The following PDLIM1 variants were observed in gnomAD, a reference collection of about 807,000 sequenced individuals.
The protein encoded by PDLIM1 is PDZ and LIM domain protein 1.
A neutral mutation model predicts 35.2 loss-of-function variants in PDLIM1; 25 were observed. The observed-to-expected ratio is 0.71, with a 90% CI of 0.52 to 0.99. The LOEUF is 0.99. Among genes scored for constraint, PDLIM1 ranks in the 50% least tolerant of loss-of-function variants. PDLIM1 has a pLI of 0.00. For missense variants in PDLIM1, 363 were observed against 415.3 expected, an observed-to-expected ratio of 0.87 and a Z score of 1.09; for synonymous variants, 152 against 154.0, an observed-to-expected ratio of 0.99 and a Z score of 0.10.
intron 4 of PDLIM1, among the ~76,000 whole-genome samples, chr10:95,258,103 T>C (rs1349486055): frequency 2.0e-5 from 3 of 152,128 alleles, no homozygotes; most frequent in Non-Finnish European, 4.4e-5. Flanking sequence ...AGGGAGCTCC[T>C]CTTTTTAAAA....
chr10:95,276,386 G>A (rs915874074), intron 1 of PDLIM1, among the ~76,000 whole-genome samples: 1 of 151,940 alleles, frequency 6.6e-6, no homozygotes, highest in Non-Finnish European at 1.5e-5. Context: ...CTGGCTGAGT[G>A]CCTCCCTACC....
At chr10:95,281,783 C>T (rs759041873) in intron 1 of PDLIM1, among the ~76,000 whole-genome samples, 27 of 152,306 alleles carry the variant, frequency 1.8e-4, no homozygotes, top group Admixed American at 3.3e-4. Flanking sequence ...TGAGCCACTG[C>T]GTCCAACCAG....
rs2035438073 is a variant in PDLIM1, at chr10:95,268,866, C to T, written c.249-4G>A. 6.3e-7 allele frequency: 1 copy of T among 1,589,484 alleles called. No individual in the cohort carries two copies. The highest frequency in any genetic ancestry group is 8.6e-7 in the Non-Finnish European group (1 of 1,157,604). On this transcript the variant is annotated splice_polypyrimidine_tract_variant and splice_region_variant and intron_variant, in intron 2 of 6. Transcript: ENST00000329399. ...AGACCAGACTTTATGTTCAGATCTG[C>T]AACAGATTAACAAAGCTGCTGTTTC...
intron 1 of PDLIM1, among the ~76,000 whole-genome samples, chr10:95,274,052 G>A (rs932510078): frequency 2.6e-5 from 4 of 152,178 alleles, no homozygotes; most frequent in African/African-American, 9.6e-5. Context: ...CAGTTTCAAA[G>A]AGCAGTCCCC....
intron 4 of PDLIM1, among the ~76,000 whole-genome samples, chr10:95,257,549 A>T (rs2035327772): frequency 6.6e-6 from 1 of 152,240 alleles, no homozygotes; most frequent in African/African-American, 2.4e-5. Flanking sequence ...GCATATGAAA[A>T]GATACTCAAC....
chr10:95,275,292 C>T (rs1171536128), intron 1 of PDLIM1, among the ~76,000 whole-genome samples: 1 of 152,210 alleles, frequency 6.6e-6, no homozygotes, highest in Non-Finnish European at 1.5e-5. Context: ...TTCATGGAGG[C>T]TGATTTGAGT....
intron 4 of PDLIM1, among the ~76,000 whole-genome samples, chr10:95,257,271 G>C (rs955338581): frequency 1.3e-5 from 2 of 151,734 alleles, no homozygotes; most frequent in Non-Finnish European, 2.9e-5. Context: ...ATTTGGTGAT[G>C]ATTTCTTGAA....
chr10:95,245,532 G>C (rs2035211964), intron 5 of PDLIM1, among the ~76,000 whole-genome samples: 1 of 152,132 alleles, frequency 6.6e-6, no homozygotes, highest in South Asian at 2.1e-4. Context: ...TCTCATTGAA[G>C]GGTTTCACAT....
intron 1 of PDLIM1, among the ~76,000 whole-genome samples, chr10:95,286,348 C>T (rs991425719): frequency 7.2e-6 from 1 of 138,750 alleles, no homozygotes; most frequent in South Asian, 2.5e-4. Context: ...CAGAGCGACA[C>T]CCTGTCTCAA....
intron 5 of PDLIM1, among the ~76,000 whole-genome samples, chr10:95,245,846 C>T (rs563326819): frequency 3.5e-4 from 53 of 152,304 alleles, no homozygotes; most frequent in African/African-American, 1.2e-3. Flanking sequence ...GCCCAGGTGT[C>T]GGGTGTGTTC....
Position 95,272,470 on chromosome 10 carries a change from G to A in PDLIM1, c.97-686C>T, listed in dbSNP as rs544656458. Among the ~76,000 whole-genome samples the A allele has an allele frequency of 4.6e-5, 7 of 152,198 alleles. No individual in the cohort carries two copies. The East Asian group carries it at 1.2e-3, about 25-fold the overall frequency. On this transcript the variant is annotated intron_variant, in intron 1 of 6. Coordinates refer to ENST00000329399, the MANE Select transcript of PDLIM1 (RefSeq NM_020992.4). ...AGGCAGGCGGATCACCTGAGGCCACGAGTTTGAGACCAGCCTGGCCAGCAT... is the reference window on the plus strand; with the variant it reads ...AGGCAGGCGGATCACCTGAGGCCACAAGTTTGAGACCAGCCTGGCCAGCAT...
At chr10:95,244,530 G>A (rs2035202972) in intron 5 of PDLIM1, among the ~76,000 whole-genome samples, 1 of 152,214 alleles carries the variant, frequency 6.6e-6, no homozygotes, top group African/African-American at 2.4e-5. Context: ...CTGAACCAGA[G>A]GCGTTTCTGA....
At chr10:95,271,498 C>G in intron 2 of PDLIM1, 135 bp downstream of exon 2, 1 of 599,270 alleles carries the variant, frequency 1.7e-6, no homozygotes, top group Non-Finnish European at 2.8e-6. Flanking sequence ...TTCCACAGAC[C>G]TTTTGGCATG....
At chr10:95,277,628 G>T (rs964884016) in intron 1 of PDLIM1, among the ~76,000 whole-genome samples, 1 of 146,152 alleles carries the variant, frequency 6.8e-6, no homozygotes, top group Non-Finnish European at 1.5e-5. Context: ...GGGCAACAGA[G>T]TAAGAATGTC....
intron 5 of PDLIM1, among the ~76,000 whole-genome samples, chr10:95,245,915 C>A (rs903756666): frequency 1.3e-5 from 2 of 152,160 alleles, no homozygotes; most frequent in African/African-American, 4.8e-5. Context: ...CGGCTGCGGA[C>A]TTTGAGGAGG....
chr10:95,245,097 T>C (rs938796502), intron 5 of PDLIM1, among the ~76,000 whole-genome samples: 2 of 152,244 alleles, frequency 1.3e-5, no homozygotes, highest in Admixed American at 6.5e-5. Context: ...TTGATTCTCT[T>C]TGGGGCAAGA....
In PDLIM1 at chr10:95,290,925, G is replaced by A. The variant is rs777091101; in HGVS notation, c.-10C>T. ...TCTGCTGGGTGGTCATGGCGCGGCT[G>A]TGGCGGGCGACGACCCGCGGGGACA... On this transcript the variant is annotated 5_prime_UTR_variant, in exon 1 of 7. Coordinates refer to ENST00000329399, the MANE Select transcript of PDLIM1 (RefSeq NM_020992.4). This position sits in a 1 kb window ranked among gnomAD's most constrained non-coding sequence, Gnocchi z 4.7. 8.5e-6 allele frequency: 13 copies of A among 1,534,380 alleles called. No individual in the cohort carries two copies. The highest frequency in any genetic ancestry group is 2.8e-5 in the African/African-American group (2 of 70,206).
At chr10:95,265,807 CAGGAGG>C (rs2035411277) in intron 3 of PDLIM1, among the ~76,000 whole-genome samples, 1 of 151,944 alleles carries the variant, frequency 6.6e-6, no homozygotes, top group Non-Finnish European at 1.5e-5. Context: ...AGGGCTGAGG[CAGGAGG>C]ATCATGTAAG....
chr10:95,277,869 G>T (rs966643317), intron 1 of PDLIM1, among the ~76,000 whole-genome samples: 1 of 152,128 alleles, frequency 6.6e-6, no homozygotes, highest in South Asian at 2.1e-4. Flanking sequence ...CACATAAGAA[G>T]GTGTTTGAAG....
Sources: gnomAD v4.1 joint callset for allele counts (sites outside exome capture counted in the v4.1 genomes callset) on GRCh38, gnomAD v4.1.1 for gene constraint, Gnocchi (gnomAD v3.1) non-coding constraint, MANE v1.5 for transcripts, NCBI Gene and HGNC (gene_info 2026-07-23, HGNC 2026-07-21) for gene names.